Variants in PDE4D observed in about 807,000 individuals in gnomAD.
The protein encoded by PDE4D is phosphodiesterase 4D.
A neutral mutation model predicts 87.4 loss-of-function variants in PDE4D; 24 were observed. The observed-to-expected ratio is 0.27, with a 90% CI of 0.20 to 0.39. The LOEUF is 0.39. Among genes scored for constraint, PDE4D ranks in the 10% least tolerant of loss-of-function variants. PDE4D has a pLI of 1.00. For missense variants in PDE4D, 714 were observed against 1,041.0 expected (o/e 0.69, Z 4.32); for synonymous variants, 384 against 383.2 (o/e 1.00, Z -0.02).
intron 2 of PDE4D, among the ~76,000 whole-genome samples, chr5:59,196,417 C>T (rs192645369): frequency 1.5e-3 from 232 of 152,254 alleles, no homozygotes; most frequent in Middle Eastern, 0.014. Context: ...CAAAGTGATG[C>T]CAGGGTTGGC....
chr5:59,848,686 C>T (rs796100600), intron 1 of PDE4D, among the ~76,000 whole-genome samples: 5 of 152,046 alleles, frequency 3.3e-5, no homozygotes, highest in African/African-American at 1.2e-4. Context: ...TGAGACACCA[C>T]TTCATACCCC....
intron 1 of PDE4D, among the ~76,000 whole-genome samples, chr5:59,695,936 A>G (rs536697146): frequency 6.6e-6 from 1 of 152,190 alleles, no homozygotes; most frequent in Non-Finnish European, 1.5e-5. Context: ...ACTGATTTCA[A>G]CTCATATTAT....
rs1765662043 is a variant in PDE4D, at chr5:59,280,797, C to T, written c.456-64829G>A. 2.6e-5 allele frequency among the ~76,000 whole-genome samples: 4 copies of T among 152,000 alleles called. No homozygotes were observed. The South Asian group carries it at 8.3e-4, about 32-fold the overall frequency. On this transcript the variant is annotated intron_variant, in intron 1 of 14. Transcript: ENST00000340635. ...TGTACTGGGAGTTTTACTGCAGTAT[C>T]ATCAAGTGCCCAGTGGGGATTTTTT...
chr5:60,193,535 T>A (rs914914014), intron 1 of PDE4D, among the ~76,000 whole-genome samples: 4 of 150,086 alleles, frequency 2.7e-5, no homozygotes, highest in Non-Finnish European at 4.4e-5. Context: ...CCGGGCGAGG[T>A]GGCGGGCGCC....
intron 2 of PDE4D, chr5:60,185,455 C>T: frequency 1.5e-6 from 1 of 660,296 alleles, no homozygotes; most frequent in Non-Finnish European, 2.6e-6. Flanking sequence ...AAACGTTTCC[C>T]ACAAGCCTAA....
At chr5:59,330,577 A>G (rs1776537293) in intron 1 of PDE4D, among the ~76,000 whole-genome samples, 1 of 152,200 alleles carries the variant, frequency 6.6e-6, no homozygotes, top group African/African-American at 2.4e-5. Context: ...CTTCCCCTGA[A>G]GTATCTGACT....
chr5:59,491,529 T>C (rs538861365), intron 1 of PDE4D, among the ~76,000 whole-genome samples: 1 of 152,182 alleles, frequency 6.6e-6, no homozygotes, highest in Non-Finnish European at 1.5e-5. Flanking sequence ...CATATTTCAT[T>C]TAAACATTTT....
intron 1 of PDE4D, among the ~76,000 whole-genome samples, chr5:59,221,543 G>A (rs1752570642): frequency 6.6e-6 from 1 of 151,962 alleles, no homozygotes; most frequent in East Asian, 1.9e-4. Context: ...GAGGCAGGAG[G>A]ATCACCTGAA....
chr5:60,419,123 A>C (rs756343384), intron 1 of PDE4D, among the ~76,000 whole-genome samples: 2 of 152,174 alleles, frequency 1.3e-5, no homozygotes, highest in Non-Finnish European at 2.9e-5. Flanking sequence ...ATTTTCAGGT[A>C]GCAATTGCAC....
intron 1 of PDE4D, among the ~76,000 whole-genome samples, chr5:60,434,122 A>T (rs1232808262): frequency 1.3e-5 from 2 of 152,202 alleles, no homozygotes; most frequent in Non-Finnish European, 2.9e-5. Context: ...GATTGACATG[A>T]TCAGGAATCT....
At chr5:59,275,233 G>C in intron 1 of PDE4D, 1 of 883,470 alleles carries the variant, frequency 1.1e-6, no homozygotes, top group Non-Finnish European at 1.8e-6. Context: ...CGCCAATACT[G>C]CCTTCTTTCA....
At chr5:60,090,059 C>G (rs938394845) in intron 2 of PDE4D, among the ~76,000 whole-genome samples, 6 of 152,060 alleles carry the variant, frequency 3.9e-5, no homozygotes, top group Non-Finnish European at 7.4e-5. Context: ...CAGGATCTGA[C>G]AGCTTCACTG....
chr5:59,354,425 T>G (rs192791070), intron 1 of PDE4D, among the ~76,000 whole-genome samples: 1 of 152,310 alleles, frequency 6.6e-6, no homozygotes, highest in Admixed American at 6.5e-5. Flanking sequence ...ATTCCAAGAA[T>G]GCTATGCAAT....
intron 2 of PDE4D, among the ~76,000 whole-genome samples, chr5:60,020,346 G>A (rs1481608176): frequency 1.3e-5 from 2 of 152,196 alleles, no homozygotes; most frequent in African/African-American, 4.8e-5. Flanking sequence ...GACACAAAGT[G>A]AGCACATGCT....
chr5:60,178,783 A>G (rs1191332721), intron 2 of PDE4D, among the ~76,000 whole-genome samples: 4 of 152,146 alleles, frequency 2.6e-5, no homozygotes. Context: ...TAATTTTAAT[A>G]CATTTATCTA....
chr5:59,723,128 G>A (rs921761632), intron 1 of PDE4D, among the ~76,000 whole-genome samples: 2 of 151,978 alleles, frequency 1.3e-5, no homozygotes, highest in Non-Finnish European at 2.9e-5. Context: ...TCATATTCAG[G>A]TCTAGTGGAA....
intron 3 of PDE4D, among the ~76,000 whole-genome samples, chr5:59,953,560 T>A (rs1470550090): frequency 6.6e-6 from 1 of 152,206 alleles, no homozygotes; most frequent in Non-Finnish European, 1.5e-5. Context: ...GTTATATTCT[T>A]CAGTAAGCTT....
chr5:59,320,948 T>A (rs1774616986), intron 1 of PDE4D, among the ~76,000 whole-genome samples: 1 of 152,186 alleles, frequency 6.6e-6, no homozygotes, highest in African/African-American at 2.4e-5. Context: ...TTTCTATTGA[T>A]AAATTTGTTT....
intron 5 of PDE4D, among the ~76,000 whole-genome samples, chr5:59,058,212 T>C (rs1762624525): frequency 6.6e-6 from 1 of 152,194 alleles, no homozygotes; most frequent in African/African-American, 2.4e-5. Flanking sequence ...TTCTAATGCA[T>C]CTGAGAATCA....
Sources: allele counts gnomAD v4.1 joint callset (sites outside exome capture counted in the v4.1 genomes callset), GRCh38; gene constraint gnomAD v4.1.1; transcripts MANE v1.5; gene names NCBI Gene and HGNC (gene_info 2026-07-23, HGNC 2026-07-21).